ARHGAP15: variants seen among roughly 807,000 people sequenced by gnomAD.
ARHGAP15 encodes rho GTPase-activating protein 15.
Under a neutral mutation model 63.7 loss-of-function variants are expected in ARHGAP15, and 51 were observed. The observed-to-expected ratio is 0.80, with a 90% CI of 0.64 to 1.01. ARHGAP15 has a LOEUF of 1.01. Ranked by LOEUF, ARHGAP15 falls within the 50% of genes least tolerant of loss-of-function variation. The probability of loss-of-function intolerance (pLI) is 0.00; values close to 1 mark genes in which losing one functional copy is unlikely to be tolerated. For missense variants in ARHGAP15, 560 were observed against 564.6 expected (o/e 0.99, Z 0.08); for synonymous variants, 191 against 193.8 (o/e 0.99, Z 0.12).
intron 8 of ARHGAP15, among the ~76,000 whole-genome samples, chr2:143,456,793 A>G (rs1690676410): frequency 6.6e-6 from 1 of 151,146 alleles, no homozygotes; most frequent in Admixed American, 6.6e-5. Context: ...ATTTGTTATT[A>G]TATATAAGTA....
chr2:143,174,479 A>AT, intron 2 of ARHGAP15, among the ~76,000 whole-genome samples: 1 of 152,014 alleles, frequency 6.6e-6, no homozygotes, highest in Non-Finnish European at 1.5e-5. Flanking sequence ...AAAGAAACTT[A>AT]TTTTTTCAGA....
At chr2:143,239,990 CAAAAAAA>C (rs60960176) in intron 5 of ARHGAP15, among the ~76,000 whole-genome samples, 2 of 26,468 alleles carry the variant, frequency 7.6e-5, no homozygotes, top group Non-Finnish European at 1.4e-4. Context: ...GACTCTGTCT[CAAAAAAA>C]AAAAAAAAAA....
In ARHGAP15 at chr2:143,361,945, C is replaced by T. The variant is rs760346593; in HGVS notation, c.475-73656C>T. Reference sequence around the variant, plus strand: ...CTTTACTATAACTTTCAAAGTTCTCCGTGATCTGGCTACTGCTTATCTCTC... The same window carrying T: ...CTTTACTATAACTTTCAAAGTTCTCTGTGATCTGGCTACTGCTTATCTCTC... On this transcript the variant is annotated intron_variant, in intron 6 of 13. Coordinates refer to ENST00000295095, the MANE Select transcript of ARHGAP15 (RefSeq NM_018460.4). Among the ~76,000 whole-genome samples the T allele has an allele frequency of 3.9e-5, 6 of 152,130 alleles. No homozygotes were observed. In the South Asian group the frequency reaches 1.0e-3, roughly 26 times the overall value.
At chr2:143,225,526 A>G (rs769538186) in intron 4 of ARHGAP15, among the ~76,000 whole-genome samples, 1 of 152,192 alleles carries the variant, frequency 6.6e-6, no homozygotes, top group Admixed American at 6.5e-5. Context: ...GCATGAACCC[A>G]GGAGGCGGAG....
At chr2:143,385,243 G>C (rs753877848) in intron 6 of ARHGAP15, among the ~76,000 whole-genome samples, 9 of 152,092 alleles carry the variant, frequency 5.9e-5, no homozygotes, top group Non-Finnish European at 1.3e-4. Flanking sequence ...TACAATGATT[G>C]AGAACGTTGT....
intron 13 of ARHGAP15, among the ~76,000 whole-genome samples, chr2:143,755,200 G>A (rs1235300229): frequency 6.6e-6 from 1 of 151,486 alleles, no homozygotes; most frequent in African/African-American, 2.4e-5. Flanking sequence ...CTCTTGATGG[G>A]GAACTCATAG....
intron 9 of ARHGAP15, among the ~76,000 whole-genome samples, chr2:143,493,075 A>AC (rs1692658522): frequency 6.6e-6 from 1 of 151,980 alleles, no homozygotes; most frequent in African/African-American, 2.4e-5. Context: ...AACAAAAAAA[A>AC]CCATCAATTA....
intron 13 of ARHGAP15, among the ~76,000 whole-genome samples, chr2:143,705,248 TTTATC>T (rs900398341): frequency 4.8e-4 from 73 of 152,314 alleles, no homozygotes; most frequent in Middle Eastern, 3.4e-3. Flanking sequence ...AAAGGGGAAC[TTTATC>T]TTAAAGTTCA....
chr2:143,293,467 C>G (rs1160260608), intron 6 of ARHGAP15, among the ~76,000 whole-genome samples: 1 of 152,082 alleles, frequency 6.6e-6, no homozygotes. Context: ...TGCACATCTC[C>G]ATTTATATTC....
chr2:143,339,040 T>C (rs1684935704), intron 6 of ARHGAP15, among the ~76,000 whole-genome samples: 1 of 152,096 alleles, frequency 6.6e-6, no homozygotes. Context: ...GGGATAGCTA[T>C]CCATTTTTTT....
chr2:143,578,653 G>C (rs79895751), intron 11 of ARHGAP15, among the ~76,000 whole-genome samples: 1 of 152,128 alleles, frequency 6.6e-6, no homozygotes, highest in Non-Finnish European at 1.5e-5. Context: ...TATTCAATAA[G>C]AGAAAACTGT....
At chr2:143,150,822 G>A (rs1689785065) in intron 1 of ARHGAP15, among the ~76,000 whole-genome samples, 1 of 151,966 alleles carries the variant, frequency 6.6e-6, no homozygotes, top group African/African-American at 2.4e-5. Context: ...ACATGAGTGG[G>A]TAACGTGTTC....
At chr2:143,389,134 A>ATTATTT (rs983628548) in intron 6 of ARHGAP15, among the ~76,000 whole-genome samples, 148 of 138,572 alleles carry the variant, frequency 1.1e-3, no homozygotes, top group African/African-American at 3.8e-3. Flanking sequence ...TATTATTATT[A>ATTATTT]TTTTTTATTA....
chr2:143,391,661 CTG>C (rs1346214425), intron 6 of ARHGAP15, among the ~76,000 whole-genome samples: 4 of 152,172 alleles, frequency 2.6e-5, no homozygotes, highest in Non-Finnish European at 5.9e-5. Context: ...GCTCTTGACT[CTG>C]TGGCTGTCAG....
chr2:143,457,179 A>T (rs377615657), intron 8 of ARHGAP15, among the ~76,000 whole-genome samples: 1 of 152,124 alleles, frequency 6.6e-6, no homozygotes, highest in Non-Finnish European at 1.5e-5. Flanking sequence ...TCTGTTCAGA[A>T]ATCTGCATAT....
chr2:143,727,767 A>G (rs1685349330), intron 13 of ARHGAP15, among the ~76,000 whole-genome samples: 1 of 152,186 alleles, frequency 6.6e-6, no homozygotes, highest in South Asian at 2.1e-4. Context: ...TTATATATGC[A>G]TATTATGACA....
intron 6 of ARHGAP15, among the ~76,000 whole-genome samples, chr2:143,378,056 A>C (rs955362161): frequency 6.6e-6 from 1 of 152,054 alleles, no homozygotes; most frequent in South Asian, 2.1e-4. Flanking sequence ...GCAGAAAGGA[A>C]AATAAACATA....
intron 13 of ARHGAP15, among the ~76,000 whole-genome samples, chr2:143,724,868 C>T (rs945712631): frequency 2.6e-5 from 4 of 152,152 alleles, no homozygotes; most frequent in African/African-American, 9.7e-5. Context: ...AATAGTAATA[C>T]ACAACTTCTG....
At chr2:143,752,538 C>A (rs942140587) in intron 13 of ARHGAP15, among the ~76,000 whole-genome samples, 17 of 152,200 alleles carry the variant, frequency 1.1e-4, no homozygotes, top group African/African-American at 4.1e-4. Flanking sequence ...GCCAGTCAGG[C>A]TGCGAGTGAC....
Sources: allele counts gnomAD v4.1 joint callset (sites outside exome capture counted in the v4.1 genomes callset), GRCh38; gene constraint gnomAD v4.1.1; transcripts MANE v1.5; gene names NCBI Gene and HGNC (gene_info 2026-07-23, HGNC 2026-07-21).